The following SKAP1 variants were observed in gnomAD, a reference collection of about 807,000 sequenced individuals.
SKAP1 encodes the protein src kinase associated phosphoprotein 1.
Under a neutral mutation model 58.5 loss-of-function variants are expected in SKAP1, and 44 were observed. That is an observed-to-expected ratio of 0.75 (90% CI 0.59 to 0.97). The LOEUF is 0.97. Ranked by LOEUF, SKAP1 falls within the 50% of genes least tolerant of loss-of-function variation. SKAP1 has a pLI of 0.00. For missense variants in SKAP1, 390 were observed against 435.2 expected (o/e 0.90, Z 0.92); for synonymous variants, 127 against 149.7 (o/e 0.85, Z 1.11).
Position 48,191,607 on chromosome 17 carries a change from C to T in SKAP1, c.281-2107G>A, listed in dbSNP as rs750421774. Among the ~76,000 whole-genome samples, 144 of 152,268 alleles carry T rather than the reference C, an allele frequency of 9.5e-4. 1 individual carries two copies. Among genetic ancestry groups the T allele is most frequent in the East Asian group, 1.5e-3 (8 of 5,186 alleles). On this transcript the variant is annotated intron_variant, in intron 4 of 12. Transcript: ENST00000336915. ...ACTTTTTGTTTTAAAATAACATCTA[C>T]GACAATTTAAAATGCAATCAAAATT...
intron 4 of SKAP1, among the ~76,000 whole-genome samples, chr17:48,251,190 C>T (rs555342997): frequency 1.3e-4 from 20 of 152,262 alleles, no homozygotes; most frequent in South Asian, 1.2e-3. Context: ...ACTGTCTTTA[C>T]GAGAAACAAA....
intron 1 of SKAP1, among the ~76,000 whole-genome samples, chr17:48,421,995 G>A (rs2067800329): frequency 2.0e-5 from 3 of 152,056 alleles, no homozygotes; most frequent in South Asian, 4.1e-4. Flanking sequence ...GGCAGATCAC[G>A]AGGCCAAGAG....
At chr17:48,298,886 C>T (rs930964495) in intron 4 of SKAP1, among the ~76,000 whole-genome samples, 3 of 152,082 alleles carry the variant, frequency 2.0e-5, no homozygotes, top group Non-Finnish European at 4.4e-5. Flanking sequence ...CCTTTTAATA[C>T]AGTGGATTTT....
chr17:48,270,451 C>T lies in SKAP1; in HGVS notation c.280+75454G>A, dbSNP rs1327113227. Among the ~76,000 whole-genome samples the T allele has an allele frequency of 2.6e-5, 4 of 152,032 alleles. 1 individual carries two copies. Among genetic ancestry groups the T allele is most frequent in the Non-Finnish European group, 4.4e-5 (3 of 68,022 alleles). Reference sequence around the variant, plus strand: ...CTCCACCTCCCGGGTTCAAGCGATTCTCTTGCTTCAGCCTCCTGAGTAGCT... The same window carrying T: ...CTCCACCTCCCGGGTTCAAGCGATTTTCTTGCTTCAGCCTCCTGAGTAGCT... On this transcript the variant is annotated intron_variant, in intron 4 of 12. Transcript: ENST00000336915.
At chr17:48,316,572 A>G (rs951057854) in intron 4 of SKAP1, among the ~76,000 whole-genome samples, 5 of 151,942 alleles carry the variant, frequency 3.3e-5, no homozygotes, top group Admixed American at 2.6e-4. Context: ...ACATTATATA[A>G]CATATCGGCC....
rs80109992 is a variant in SKAP1 at position 48,168,377 on chromosome 17, C to G, written c.877+2232G>C. Among the ~76,000 whole-genome samples, 386 of 152,314 alleles carry G rather than the reference C, an allele frequency of 2.5e-3. 8 individuals are homozygous for G. In the East Asian group the frequency reaches 0.027, roughly 11 times the overall value. Reference sequence around the variant, plus strand: ...AAGCATGTTAACACCTGAGAAAAGGCTGGGCGTGGTGGCTCATGCCTGTAA... The same window carrying G: ...AAGCATGTTAACACCTGAGAAAAGGGTGGGCGTGGTGGCTCATGCCTGTAA... On this transcript the variant is annotated intron_variant, in intron 10 of 12. Coordinates refer to ENST00000336915, the MANE Select transcript of SKAP1 (RefSeq NM_003726.4).
At chr17:48,396,886 C>A (rs772984722) in intron 1 of SKAP1, 101 bp from the exon 2 acceptor site, 48 of 784,310 alleles carry the variant, frequency 6.1e-5, no homozygotes, top group Non-Finnish European at 8.8e-5. Flanking sequence ...ATGTAACTAA[C>A]CTGCACAATG....
At chr17:48,272,358 C>T (rs1465244102) in intron 4 of SKAP1, among the ~76,000 whole-genome samples, 1 of 151,828 alleles carries the variant, frequency 6.6e-6, no homozygotes, top group Non-Finnish European at 1.5e-5. Flanking sequence ...TCTCGAACTC[C>T]TGACCTCAGG....
Position 48,162,567 on chromosome 17 carries a change from C to T in SKAP1, c.880G>A (p.Asp294Asn). ...DESGTRRKGV[D>N]YASYYQGLWD... ...AGGCCCTGGTAGTAACTGGCATAGT[C>T]TACTGATCAAAGAGAGGAGAAATCA... The change falls in exon 11 of 13, where the codon GAC (aspartate) becomes AAC (asparagine). Residue 294 changes from aspartate (D) to asparagine (N), a missense_variant and splice_region_variant. By Grantham distance (23) the Asp-to-Asn change is conservative. Coordinates refer to ENST00000336915, the MANE Select transcript of SKAP1 (RefSeq NM_003726.4). 2 of 1,610,134 alleles carry T rather than the reference C, an allele frequency of 1.2e-6. No homozygotes were observed. Among genetic ancestry groups the T allele is most frequent in the South Asian group, 1.1e-5 (1 of 90,638 alleles).
At chr17:48,406,061 T>C (rs2067578760) in intron 1 of SKAP1, among the ~76,000 whole-genome samples, 1 of 151,656 alleles carries the variant, frequency 6.6e-6, no homozygotes, top group Non-Finnish European at 1.5e-5. Context: ...AGTCAAGAGA[T>C]CGAGACCATC....
At chr17:48,237,152 T>C (rs2065190619) in intron 4 of SKAP1, among the ~76,000 whole-genome samples, 1 of 152,228 alleles carries the variant, frequency 6.6e-6, no homozygotes, top group Non-Finnish European at 1.5e-5. Context: ...CAAGGGTATT[T>C]GTTGTGCCCT....
intron 2 of SKAP1, among the ~76,000 whole-genome samples, chr17:48,391,893 T>A (rs1045991684): frequency 6.6e-6 from 1 of 150,860 alleles, no homozygotes; most frequent in Non-Finnish European, 1.5e-5. Flanking sequence ...GTGAATAACA[T>A]AAATGTATTA....
At chr17:48,224,010 CAGAGAGAG>C (rs10633331) in intron 4 of SKAP1, among the ~76,000 whole-genome samples, 1 of 93,674 alleles carries the variant, frequency 1.1e-5, no homozygotes, top group African/African-American at 3.8e-5. Context: ...AGATGGGAGA[CAGAGAGAG>C]AGAGAGAGAG....
intron 4 of SKAP1, among the ~76,000 whole-genome samples, chr17:48,333,576 A>G (rs748719499): frequency 7.9e-5 from 12 of 152,208 alleles, no homozygotes; most frequent in East Asian, 1.9e-4. Context: ...GACGTTTTAT[A>G]TTGCTGGAAA....
intron 4 of SKAP1, among the ~76,000 whole-genome samples, chr17:48,204,973 T>TTTCTTTCTTTCTTTCTTTCTTTC (rs1555602828): frequency 7.8e-5 from 6 of 77,324 alleles, no homozygotes; most frequent in African/African-American, 3.7e-4. Context: ...TTTTCTTTTC[T>TTTCTTTCTTTCTTTCTTTCTTTC]TTTCTTTCTT....
intron 4 of SKAP1, among the ~76,000 whole-genome samples, chr17:48,211,803 A>G (rs556415036): frequency 3.9e-5 from 6 of 152,084 alleles, no homozygotes; most frequent in African/African-American, 7.2e-5. Context: ...GGCTCTTTCT[A>G]TCTTTATAAA....
At chr17:48,299,570 A>ATGTG (rs34889554) in intron 4 of SKAP1, among the ~76,000 whole-genome samples, 90 of 151,422 alleles carry the variant, frequency 5.9e-4, no homozygotes, top group African/African-American at 2.1e-3. Context: ...ATATATATGT[A>ATGTG]TGTGTGTGTG....
chr17:48,352,783 A>G (rs1472966), intron 3 of SKAP1, among the ~76,000 whole-genome samples: 23,228 of 152,128 alleles, frequency 0.15, 2,411 homozygotes, highest in Non-Finnish European at 0.22. Context: ...TAACTTACCC[A>G]AAGTCATATA....
intron 4 of SKAP1, among the ~76,000 whole-genome samples, chr17:48,273,984 A>G (rs2143999428): frequency 6.6e-6 from 1 of 152,256 alleles, no homozygotes; most frequent in South Asian, 2.1e-4. Flanking sequence ...CAGTGGTACA[A>G]TCATAGCTTA....
Sources: gnomAD v4.1 joint callset for allele counts (sites outside exome capture counted in the v4.1 genomes callset) on GRCh38, gnomAD v4.1.1 for gene constraint, MANE v1.5 for transcripts, NCBI Gene and HGNC (gene_info 2026-07-23, HGNC 2026-07-21) for gene names.